The following BOP1 variants were observed in gnomAD, a reference collection of about 807,000 sequenced individuals.
BOP1 encodes the protein BOP1 ribosomal biogenesis factor, also known as ribosome biogenesis protein BOP1.
BOP1 carries 54 observed loss-of-function variants against 82.9 expected under a neutral mutation model. That is an observed-to-expected ratio of 0.65 (90% CI 0.52 to 0.82). The LOEUF (loss-of-function observed/expected upper bound fraction) is 0.82. BOP1 is among the 40% of genes least tolerant of loss of function. The probability of loss-of-function intolerance (pLI) is 0.00; values close to 1 mark genes in which losing one functional copy is unlikely to be tolerated. For missense variants in BOP1, 1,170 were observed against 1,072.0 expected (o/e 1.09, Z -1.28); for synonymous variants, 566 against 451.1 (o/e 1.25, Z -3.23).
chr8:144,283,199 C>T (rs1206505710), intron 2 of BOP1, among the ~76,000 whole-genome samples: 1 of 31,850 alleles, frequency 3.1e-5, no homozygotes, highest in Non-Finnish European at 4.7e-5. Context: ...AAAACTCCAT[C>T]TCAAAAAAAA....
intron 3 of BOP1, among the ~76,000 whole-genome samples, chr8:144,267,571 G>T (rs1038694402): frequency 6.6e-6 from 1 of 152,268 alleles, no homozygotes; most frequent in Non-Finnish European, 1.5e-5. Context: ...AAGAGAGGAA[G>T]GACCCCGGGT....
rs1221573700 is a variant in BOP1 at position 144,274,846 on chromosome 8, G to A, written c.390+1378C>T. ...CCGCGCTCCGTTTACAATCATCATC[G>A]ATTTCTCAAAATACCAAATATAAAA... is the stretch of plus-strand genomic sequence containing the variant. On this transcript the variant is annotated intron_variant, in intron 3 of 15. Transcript: ENST00000569669. 4.6e-5 allele frequency among the ~76,000 whole-genome samples: 7 copies of A among 152,286 alleles called. No individual in the cohort carries two copies. The East Asian group carries it at 1.4e-3, about 29-fold the overall frequency.
chr8:144,289,975 C>A (rs536293846), intron 1 of BOP1, among the ~76,000 whole-genome samples: 1 of 152,372 alleles, frequency 6.6e-6, no homozygotes, highest in African/African-American at 2.4e-5. Context: ...TGCCTCTGAG[C>A]AGAGCCCTGC....
In BOP1 at chr8:144,291,405, G is replaced by A; in HGVS notation, c.-35C>T. The A allele has an allele frequency of 2.7e-6, 3 of 1,129,064 alleles. No homozygotes were observed. The highest frequency in any genetic ancestry group is 3.3e-6 in the Non-Finnish European group (3 of 922,176). 69.9% of individuals were successfully genotyped at this position (1,129,064 alleles called of 1,614,324 possible). ...CGCGCCGGCCGCCACCCGCACAGCC[G>A]CTTCCGACAGCGACCGGGCCGCGTG... is the stretch of plus-strand genomic sequence containing the variant. On this transcript the variant is annotated 5_prime_UTR_variant, in exon 1 of 16. Transcript: ENST00000569669. This position sits in a 1 kb window ranked among gnomAD's most constrained non-coding sequence, Gnocchi z 4.1.
Position 144,291,285 on chromosome 8 carries a change from T to C in BOP1, c.86A>G (p.Glu29Gly). Residue 29 changes from glutamate (E) to glycine (G), a missense_variant, in exon 1 of 16, where the codon GAG (glutamate) becomes GGG (glycine). Physicochemically the swap from Glu to Gly is moderately conservative, Grantham distance 98. Coordinates refer to ENST00000569669, the MANE Select transcript of BOP1 (RefSeq NM_015201.5). This position sits in a 1 kb window ranked among gnomAD's most constrained non-coding sequence, Gnocchi z 4.1. ...KRRSEPELEP[E>G]PEPEPPLLCT... ...CGCCACAGTCACCTCCGGCTCGGGC[T>C]CAGGCTCCAGTTCGGGCTCAGACCG... The C allele has an allele frequency of 1.4e-6, 2 of 1,460,320 alleles. No individual in the cohort carries two copies. Among genetic ancestry groups the C allele is most frequent in the Non-Finnish European group, 1.8e-6 (2 of 1,108,086 alleles). 90.5% of individuals were successfully genotyped at this position (1,460,320 alleles called of 1,614,324 possible).
intron 3 of BOP1, chr8:144,266,777 G>C: frequency 2.7e-6 from 3 of 1,091,672 alleles, no homozygotes; most frequent in Non-Finnish European, 3.3e-6. Flanking sequence ...GCCCGGCGGA[G>C]GGCGGGGGGC....
chr8:144,269,394 G>A (rs1250659155), intron 3 of BOP1, among the ~76,000 whole-genome samples: 2 of 152,198 alleles, frequency 1.3e-5, no homozygotes, highest in Non-Finnish European at 2.9e-5. Flanking sequence ...AGGCAGGGAC[G>A]CACCCTCGGG....
Position 144,262,506 on chromosome 8 carries a change from G to T in BOP1, c.1980-3C>A, listed in dbSNP as rs1358346133. Reference sequence around the variant, plus strand: ...CCCGCAGAGCCTTCTTGTGGTGTCTGGGGGGAGGGAACCAGGTTGAAGGCA... The same window carrying T: ...CCCGCAGAGCCTTCTTGTGGTGTCTTGGGGGAGGGAACCAGGTTGAAGGCA... On this transcript the variant is annotated splice_region_variant and splice_polypyrimidine_tract_variant and intron_variant, in intron 14 of 15. Coordinates refer to ENST00000569669, the MANE Select transcript of BOP1 (RefSeq NM_015201.5). The T allele has an allele frequency of 6.2e-7, 1 of 1,612,932 alleles. No homozygotes were observed. Among genetic ancestry groups the T allele is most frequent in the East Asian group, 2.2e-5 (1 of 44,872 alleles).
chr8:144,274,118 C>A (rs1845534851), intron 3 of BOP1, among the ~76,000 whole-genome samples: 4 of 152,102 alleles, frequency 2.6e-5, no homozygotes, highest in Admixed American at 6.5e-5. Flanking sequence ...AGGAGCTTGG[C>A]CCGAGACCTT....
In BOP1 at chr8:144,262,128, C is replaced by G; in HGVS notation, c.*36G>C. On this transcript the variant is annotated 3_prime_UTR_variant, in exon 16 of 16. Transcript: ENST00000569669. ...CACAGGGTAAAGGCTCTGTTGACTTCAGCACGACCACCCCAGCCCCAGGCA... is the reference window on the plus strand; with the variant it reads ...CACAGGGTAAAGGCTCTGTTGACTTGAGCACGACCACCCCAGCCCCAGGCA... 1 of 1,611,014 alleles carries G rather than the reference C, an allele frequency of 6.2e-7. No individual in the cohort carries two copies.
chr8:144,281,496 T>C (rs4977210), intron 2 of BOP1, among the ~76,000 whole-genome samples: 10 of 1,508 alleles, frequency 6.6e-3, no homozygotes, highest in Admixed American at 0.023. Flanking sequence ...ACCAGGTCTT[T>C]GGCCTTCCCT....
chr8:144,262,849 T>TCACCTGCAGGGTGCACTGCCCCCCCCC lies in BOP1; in HGVS notation c.1894+3_1894+4insGGGGGGGGGCAGTGCACCCTGCAGGTG. On this transcript the variant is annotated splice_donor_region_variant and intron_variant, in intron 13 of 15. Transcript: ENST00000569669. ...CTGCAGGGTGCACCGCCCCCACCCC[T>TCACCTGCAGGGTGCACTGCCCCCCCCC]CACCTGCAGGGTGCACCGCCAGGCT... The TCACCTGCAGGGTGCACTGCCCCCCCCC allele has an allele frequency of 1.2e-6, 1 of 803,194 alleles. No homozygotes were observed. Among genetic ancestry groups the TCACCTGCAGGGTGCACTGCCCCCCCCC allele is most frequent in the Non-Finnish European group, 1.6e-6 (1 of 628,988 alleles). The allele number at this position is 803,194 out of a possible 1,614,324, so 49.8% of individuals were successfully genotyped here. A position where few individuals can be genotyped will look rare whatever the true frequency, so the allele number is the denominator to read the frequency against.
At chr8:144,268,721 C>G (rs1428332589) in intron 3 of BOP1, among the ~76,000 whole-genome samples, 2 of 151,950 alleles carry the variant, frequency 1.3e-5, no homozygotes, top group South Asian at 2.1e-4. Context: ...GGAGCCACGC[C>G]GGGAGAGAGG....
intron 3 of BOP1, chr8:144,265,444 G>C (rs888007909): frequency 3.4e-5 from 12 of 353,028 alleles, no homozygotes; most frequent in African/African-American, 2.3e-4. Flanking sequence ...GAAGTGGGCA[G>C]CTATAAGACG....
intron 15 of BOP1, 21 bp downstream of exon 15, chr8:144,262,375 C>T: frequency 6.2e-7 from 1 of 1,612,544 alleles, no homozygotes; most frequent in Non-Finnish European, 8.5e-7. Context: ...GGGGAGGGGG[C>T]CAGGCAGGGT....
intron 3 of BOP1, among the ~76,000 whole-genome samples, chr8:144,275,945 G>A (rs975534429): frequency 3.4e-5 from 5 of 148,820 alleles, no homozygotes; most frequent in South Asian, 2.2e-4. Context: ...CCCAGAGCCC[G>A]TCCACAGGCC....
chr8:144,278,672 G>A (rs1234165202), intron 2 of BOP1, among the ~76,000 whole-genome samples: 1 of 152,176 alleles, frequency 6.6e-6, no homozygotes, highest in Non-Finnish European at 1.5e-5. Context: ...ATCGCTGTCG[G>A]GGTGCCAAGG....
Position 144,280,902 on chromosome 8 carries a change from T to A in BOP1, c.310-4598A>T, listed in dbSNP as rs587608373. 1.8e-4 allele frequency among the ~76,000 whole-genome samples: 28 copies of A among 152,072 alleles called. No individual in the cohort carries two copies. In the South Asian group the frequency reaches 5.8e-3, roughly 32 times the overall value. ...CACTTTAATACCAGGTCTTCGGCCT[T>A]CTCTCACTTTCATACCAGGTCTTAG... is the stretch of plus-strand genomic sequence containing the variant. On this transcript the variant is annotated intron_variant, in intron 2 of 15. Transcript: ENST00000569669.
At chr8:144,287,474 A>G (rs114021823) in intron 2 of BOP1, among the ~76,000 whole-genome samples, 147 of 152,206 alleles carry the variant, frequency 9.7e-4, no homozygotes, top group African/African-American at 3.4e-3. Context: ...TGCTGCTACA[A>G]TATCTACATT....
Sources: allele counts gnomAD v4.1 joint callset (sites outside exome capture counted in the v4.1 genomes callset), GRCh38; gene constraint gnomAD v4.1.1; non-coding constraint Gnocchi (gnomAD v3.1); transcripts MANE v1.5; gene names NCBI Gene and HGNC (gene_info 2026-07-23, HGNC 2026-07-21).